The following LRRC7 variants were observed in gnomAD, a reference collection of about 807,000 sequenced individuals.
LRRC7 encodes leucine-rich repeat-containing protein 7.
Under a neutral mutation model 175.7 loss-of-function variants are expected in LRRC7, and 23 were observed. That is an observed-to-expected ratio of 0.13 (90% CI 0.09 to 0.19). The LOEUF is 0.19. Ranked by LOEUF, LRRC7 falls within the 10% of genes least tolerant of loss-of-function variation. The probability of loss-of-function intolerance (pLI) is 1.00; values close to 1 mark genes in which losing one functional copy is unlikely to be tolerated. For synonymous variants in LRRC7, 685 were observed against 680.9 expected (o/e 1.01, Z -0.09); for missense variants, 1,354 against 1,904.7 (o/e 0.71, Z 5.38).
At chr1:69,791,393 G>C (rs372851441) in intron 3 of LRRC7, among the ~76,000 whole-genome samples, 1 of 151,964 alleles carries the variant, frequency 6.6e-6, no homozygotes, top group African/African-American at 2.4e-5. Context: ...GTGAATATAA[G>C]CATGCTGGAT....
chr1:70,046,560 G>A (rs1217457872), intron 22 of LRRC7, among the ~76,000 whole-genome samples: 2 of 152,048 alleles, frequency 1.3e-5, no homozygotes, highest in African/African-American at 4.8e-5. Context: ...AGATACATAA[G>A]CAGGGCAAGT....
chr1:69,710,300 A>G (rs1664607169), intron 2 of LRRC7, among the ~76,000 whole-genome samples: 1 of 139,778 alleles, frequency 7.2e-6, no homozygotes, highest in Admixed American at 7.3e-5. Flanking sequence ...AAAAAAAAAG[A>G]AAGAAAGAAA....
intron 1 of LRRC7, among the ~76,000 whole-genome samples, chr1:69,674,142 A>G (rs1016486428): frequency 1.3e-5 from 2 of 152,144 alleles, no homozygotes; most frequent in African/African-American, 4.8e-5. Context: ...CTGAGTATAG[A>G]TATTAAAATA....
At chr1:69,890,397 T>C (rs1396965825) in intron 7 of LRRC7, among the ~76,000 whole-genome samples, 3 of 152,210 alleles carry the variant, frequency 2.0e-5, no homozygotes, top group South Asian at 4.1e-4. Flanking sequence ...GAGCAGTAGG[T>C]CTCAACAGTA....
At chr1:69,759,350 T>A (rs547008892) in intron 2 of LRRC7, among the ~76,000 whole-genome samples, 1 of 151,998 alleles carries the variant, frequency 6.6e-6, no homozygotes, top group African/African-American at 2.4e-5. Flanking sequence ...GCCTTACTGT[T>A]TAGGAGGAAA....
intron 2 of LRRC7, among the ~76,000 whole-genome samples, chr1:69,745,711 A>G (rs1421062987): frequency 1.3e-5 from 2 of 151,918 alleles, no homozygotes; most frequent in African/African-American, 4.8e-5. Context: ...TCTTAATAAT[A>G]TATTTGTGTG....
At chr1:69,863,983 A>G (rs1274594673) in intron 7 of LRRC7, among the ~76,000 whole-genome samples, 2 of 150,854 alleles carry the variant, frequency 1.3e-5, no homozygotes, top group Non-Finnish European at 3.0e-5. Flanking sequence ...CCTAAATTAC[A>G]CTCTTATCTT....
intron 1 of LRRC7, among the ~76,000 whole-genome samples, chr1:69,635,845 G>T (rs925403128): frequency 6.6e-6 from 1 of 151,846 alleles, no homozygotes; most frequent in African/African-American, 2.4e-5. Flanking sequence ...TAAAAAAATA[G>T]TATGTCAATA....
At chr1:69,714,771 G>A (rs890958029) in intron 2 of LRRC7, among the ~76,000 whole-genome samples, 9 of 151,986 alleles carry the variant, frequency 5.9e-5, no homozygotes, top group Non-Finnish European at 4.4e-5. Flanking sequence ...AGCAAGATTA[G>A]GAATCTGATG....
chr1:69,863,549 G>T (rs752006220), intron 7 of LRRC7, among the ~76,000 whole-genome samples: 1 of 152,090 alleles, frequency 6.6e-6, no homozygotes, highest in Admixed American at 6.5e-5. Context: ...TCTATGCCCC[G>T]CATTGTGTTA....
At chr1:69,571,143 GA>G (rs1439955186) in intron 1 of LRRC7, among the ~76,000 whole-genome samples, 1 of 152,090 alleles carries the variant, frequency 6.6e-6, no homozygotes, top group Non-Finnish European at 1.5e-5. Flanking sequence ...ACATTTTTAA[GA>G]AAAAACTGAC....
rs1162098217 is a variant in LRRC7, at chr1:69,919,540, G to A, written c.648-11967G>A. On this transcript the variant is annotated intron_variant, in intron 7 of 26. Transcript: ENST00000651989. Reference sequence around the variant, plus strand: ...CAGGGTCCGCCGCTCGCACCTGCTAGTGAAGCCAGTCAAGGCGGCCCTCGA... The same window carrying A: ...CAGGGTCCGCCGCTCGCACCTGCTAATGAAGCCAGTCAAGGCGGCCCTCGA... 3.8e-6 allele frequency: 3 copies of A among 798,276 alleles called. No individual in the cohort carries two copies. In the East Asian group the frequency reaches 7.9e-5, roughly 21 times the overall value. 49.4% of individuals were successfully genotyped at this position (798,276 alleles called of 1,614,324 possible).
intron 11 of LRRC7, among the ~76,000 whole-genome samples, chr1:69,996,247 GTTGT>G (rs1557970198): frequency 6.6e-6 from 1 of 152,070 alleles, no homozygotes. Flanking sequence ...TTTTGATGGG[GTTGT>G]TTGTTTTTTT....
At chr1:69,626,265 A>T (rs1028532279) in intron 1 of LRRC7, among the ~76,000 whole-genome samples, 4 of 152,130 alleles carry the variant, frequency 2.6e-5, no homozygotes, top group African/African-American at 9.6e-5. Context: ...TGTTTTGAGA[A>T]CTGGCAGATG....
intron 3 of LRRC7, among the ~76,000 whole-genome samples, chr1:69,781,688 G>GGA (rs1673529768): frequency 2.3e-5 from 1 of 43,906 alleles, no homozygotes; most frequent in Non-Finnish European, 4.0e-5. Flanking sequence ...TCAAAAAAAA[G>GGA]AAGAAAGAAA....
chr1:69,575,990 G>T (rs185047228), intron 1 of LRRC7, among the ~76,000 whole-genome samples: 44 of 152,110 alleles, frequency 2.9e-4, no homozygotes, highest in African/African-American at 8.7e-4. Flanking sequence ...CCAGCACTTT[G>T]GGAGGTTGAG....
intron 1 of LRRC7, among the ~76,000 whole-genome samples, chr1:69,622,349 T>C (rs1399630158): frequency 1.3e-5 from 2 of 152,212 alleles, no homozygotes; most frequent in Admixed American, 1.3e-4. Context: ...TGTCTACTTA[T>C]GGCTTTTAAA....
intron 2 of LRRC7, among the ~76,000 whole-genome samples, chr1:69,751,575 C>G (rs185193187): frequency 6.6e-6 from 1 of 152,064 alleles, no homozygotes; most frequent in African/African-American, 2.4e-5. Flanking sequence ...ATGTCTAGTA[C>G]GGAGGAGTAG....
At chr1:69,601,611 C>T (rs1287326729) in intron 1 of LRRC7, among the ~76,000 whole-genome samples, 1 of 152,108 alleles carries the variant, frequency 6.6e-6, no homozygotes, top group Non-Finnish European at 1.5e-5. Flanking sequence ...TATTTTTCCC[C>T]AGTTAATAAT....
Sources: gnomAD v4.1 joint callset for allele counts (sites outside exome capture counted in the v4.1 genomes callset) on GRCh38, gnomAD v4.1.1 for gene constraint, MANE v1.5 for transcripts, NCBI Gene and HGNC (gene_info 2026-07-23, HGNC 2026-07-21) for gene names.